The following NIPAL2 variants were observed in gnomAD, a reference collection of about 807,000 sequenced individuals.
NIPAL2 encodes NIPA like domain containing 2, also known as NIPA-like protein 2.
A neutral mutation model predicts 48.9 loss-of-function variants in NIPAL2; 43 were observed. The ratio of observed to expected loss-of-function variants is 0.88; its 90% CI spans 0.69 to 1.13. The LOEUF is 1.13. Among genes scored for constraint, NIPAL2 ranks in the 50% most tolerant of loss-of-function variants. The pLI is 0.00. For missense variants in NIPAL2, 446 were observed against 461.4 expected, an observed-to-expected ratio of 0.97 and a Z score of 0.31; for synonymous variants, 167 against 174.6, an observed-to-expected ratio of 0.96 and a Z score of 0.34.
intron 8 of NIPAL2, among the ~76,000 whole-genome samples, chr8:98,197,400 C>T (rs1810600780): frequency 6.6e-6 from 1 of 152,122 alleles, no homozygotes; most frequent in African/African-American, 2.4e-5. Context: ...AGGGACTTTC[C>T]TCAGTGTTGA....
intron 1 of NIPAL2, among the ~76,000 whole-genome samples, chr8:98,289,523 T>C (rs895370263): frequency 6.6e-6 from 1 of 152,034 alleles, no homozygotes; most frequent in Non-Finnish European, 1.5e-5. Flanking sequence ...GCTTTTTTTT[T>C]TTTCTTTTTA....
intron 3 of NIPAL2, among the ~76,000 whole-genome samples, chr8:98,240,253 C>T (rs1812916893): frequency 1.3e-5 from 2 of 152,126 alleles, no homozygotes; most frequent in South Asian, 2.1e-4. Context: ...TCCCTCTGGC[C>T]TTCAGAAGAC....
chr8:98,263,698 G>A (rs1179155831), intron 1 of NIPAL2, among the ~76,000 whole-genome samples: 1 of 140,356 alleles, frequency 7.1e-6, no homozygotes, highest in Non-Finnish European at 1.5e-5. Flanking sequence ...TCTACCAGAG[G>A]TACAAGGAGG....
chr8:98,284,896 A>T (rs184055405), intron 1 of NIPAL2, among the ~76,000 whole-genome samples: 4 of 152,108 alleles, frequency 2.6e-5, no homozygotes, highest in African/African-American at 9.7e-5. Context: ...AAGAAGCAAG[A>T]TAGAGACCAA....
chr8:98,200,591 A>C (rs1034059019), intron 8 of NIPAL2, among the ~76,000 whole-genome samples: 22 of 152,190 alleles, frequency 1.4e-4, no homozygotes, highest in African/African-American at 4.3e-4. Flanking sequence ...TGCTATGAAC[A>C]TACATATACA....
At chr8:98,288,769 C>T (rs2130920069) in intron 1 of NIPAL2, among the ~76,000 whole-genome samples, 1 of 152,294 alleles carries the variant, frequency 6.6e-6, no homozygotes, top group Admixed American at 6.5e-5. Context: ...TGTGGTATTA[C>T]ATAGACAACT....
At chr8:98,202,247 CAGTTT>C (rs1352302398) in intron 8 of NIPAL2, among the ~76,000 whole-genome samples, 176 of 152,256 alleles carry the variant, frequency 1.2e-3, no homozygotes, top group African/African-American at 4.1e-3. Context: ...ACATTGAATT[CAGTTT>C]TGGATTGTAC....
At chr8:98,275,743 C>A (rs1432117149) in intron 1 of NIPAL2, among the ~76,000 whole-genome samples, 1 of 152,208 alleles carries the variant, frequency 6.6e-6, no homozygotes, top group Non-Finnish European at 1.5e-5. Context: ...AGTTTCTCCA[C>A]TAATTTATCT....
intron 5 of NIPAL2, among the ~76,000 whole-genome samples, chr8:98,212,955 A>G (rs111809943): frequency 0.015 from 2,288 of 152,198 alleles, 60 homozygotes; most frequent in African/African-American, 0.052. Flanking sequence ...AGACAGCTGC[A>G]TTTGCTTCTA....
chr8:98,292,566 A>G (rs1324979913), intron 1 of NIPAL2, among the ~76,000 whole-genome samples: 1 of 152,170 alleles, frequency 6.6e-6, no homozygotes, highest in Non-Finnish European at 1.5e-5. Flanking sequence ...AACAGTATTT[A>G]TTTGCCTCAC....
chr8:98,227,275 A>C (rs571145718), intron 4 of NIPAL2, among the ~76,000 whole-genome samples: 1 of 152,246 alleles, frequency 6.6e-6, no homozygotes, highest in East Asian at 1.9e-4. Flanking sequence ...CTAAGCTGCA[A>C]GACAAAATCA....
At chr8:98,208,838 ATTTTC>A (rs1811166854) in intron 6 of NIPAL2, among the ~76,000 whole-genome samples, 1 of 151,850 alleles carries the variant, frequency 6.6e-6, no homozygotes, top group Non-Finnish European at 1.5e-5. Flanking sequence ...CTCACTTGCT[ATTTTC>A]TTTTTTTTAA....
intron 5 of NIPAL2, among the ~76,000 whole-genome samples, 186 bp from the exon 6 acceptor site, chr8:98,212,687 T>C (rs1811380673): frequency 6.6e-6 from 1 of 152,160 alleles, no homozygotes; most frequent in Non-Finnish European, 1.5e-5. Flanking sequence ...AACGTCCCTC[T>C]CTGCCAGGGA....
In NIPAL2 at chr8:98,194,739, C is replaced by T; in HGVS notation, c.1028G>A (p.Gly343Glu). ...EHLQQSYIDFGNIPGKQMLDK... is the reference protein window; with the variant it reads ...EHLQQSYIDFENIPGKQMLDK... ...ATATATGATTTTACCAGGAATATTT[C>T]CAAAATCAATATAAGACTGTTGCAG... Residue 343 changes from glycine (G) to glutamate (E), a missense_variant, in exon 10 of 11, where the codon GGA becomes GAA. By Grantham distance (98) the Gly-to-Glu change is moderately conservative. Coordinates refer to ENST00000430223, the MANE Select transcript of NIPAL2 (RefSeq NM_001321635.2). The T allele has an allele frequency of 6.5e-6, 10 of 1,543,948 alleles. No individual in the cohort carries two copies. Among genetic ancestry groups the T allele is most frequent in the Non-Finnish European group, 8.7e-6 (10 of 1,147,442 alleles).
intron 5 of NIPAL2, among the ~76,000 whole-genome samples, chr8:98,221,066 C>G (rs1159743735): frequency 6.8e-6 from 1 of 146,886 alleles, no homozygotes; most frequent in African/African-American, 2.5e-5. Context: ...GCCTCTGCCT[C>G]CCAGGTCCAA....
chr8:98,280,508 G>C (rs1815739368), intron 1 of NIPAL2, among the ~76,000 whole-genome samples: 1 of 151,646 alleles, frequency 6.6e-6, no homozygotes, highest in Non-Finnish European at 1.5e-5. Context: ...TACACACCAG[G>C]GGACGTGTCT....
At chr8:98,268,133 C>A (rs1024285318) in intron 1 of NIPAL2, among the ~76,000 whole-genome samples, 5 of 152,164 alleles carry the variant, frequency 3.3e-5, no homozygotes, top group African/African-American at 1.2e-4. Flanking sequence ...CAAATAATTT[C>A]TTTTCATAAA....
At chr8:98,223,336 G>A (rs1811999363) in intron 4 of NIPAL2, among the ~76,000 whole-genome samples, 1 of 152,180 alleles carries the variant, frequency 6.6e-6, no homozygotes, top group African/African-American at 2.4e-5. Flanking sequence ...AGAAGGGAAT[G>A]TGTGTAGGGG....
intron 1 of NIPAL2, among the ~76,000 whole-genome samples, chr8:98,258,351 G>GC (rs1814033910): frequency 6.6e-6 from 1 of 152,148 alleles, no homozygotes; most frequent in South Asian, 2.1e-4. Context: ...CCACAGAAGT[G>GC]TACACTTACA....
Sources: gnomAD v4.1 joint callset for allele counts (sites outside exome capture counted in the v4.1 genomes callset) on GRCh38, gnomAD v4.1.1 for gene constraint, MANE v1.5 for transcripts, NCBI Gene and HGNC (gene_info 2026-07-23, HGNC 2026-07-21) for gene names.